The following DPY19L1 variants were observed in gnomAD, a reference collection of about 807,000 sequenced individuals.
The protein encoded by DPY19L1 is dpy-19 like C-mannosyltransferase 1.
DPY19L1 carries 35 observed loss-of-function variants against 96.9 expected under a neutral mutation model. That is an observed-to-expected ratio of 0.36 (90% CI 0.28 to 0.48). DPY19L1 has a LOEUF of 0.48. Ranked by LOEUF, DPY19L1 falls within the 20% of genes least tolerant of loss-of-function variation. The pLI is 0.99. For missense variants in DPY19L1, 521 were observed against 777.9 expected (o/e 0.67, Z 3.93); for synonymous variants, 205 against 252.6 (o/e 0.81, Z 1.79).
At chr7:35,015,947 C>T (rs73691610) in intron 3 of DPY19L1, among the ~76,000 whole-genome samples, 495 of 152,234 alleles carry the variant, frequency 3.3e-3, no homozygotes, top group African/African-American at 0.011. Context: ...TTATTCCTAA[C>T]AAATCAATAA....
chr7:34,967,278 C>T (rs535037082), intron 9 of DPY19L1, among the ~76,000 whole-genome samples: 1 of 152,188 alleles, frequency 6.6e-6, no homozygotes, highest in Non-Finnish European at 1.5e-5. Flanking sequence ...TAAAAAGTGC[C>T]TTGTCCAATC....
intron 1 of DPY19L1, among the ~76,000 whole-genome samples, chr7:35,026,457 A>T (rs1786122133): frequency 6.6e-6 from 1 of 151,448 alleles, no homozygotes; most frequent in Non-Finnish European, 1.5e-5. Context: ...AAGAAAACCC[A>T]CCTAGGAGGA....
chr7:34,964,283 T>C (rs1388306490), intron 10 of DPY19L1, among the ~76,000 whole-genome samples: 4 of 152,178 alleles, frequency 2.6e-5, no homozygotes, highest in African/African-American at 7.2e-5. Context: ...AACTACATTG[T>C]GTAATTTTAT....
At chr7:34,986,063 G>A (rs1785040287) in intron 7 of DPY19L1, among the ~76,000 whole-genome samples, 1 of 152,002 alleles carries the variant, frequency 6.6e-6, no homozygotes, top group African/African-American at 2.4e-5. Context: ...AGCACAGGAA[G>A]GCAAATACTG....
At chr7:34,971,021 C>A (rs1279609163) in intron 8 of DPY19L1, among the ~76,000 whole-genome samples, 1 of 152,166 alleles carries the variant, frequency 6.6e-6, no homozygotes, top group Non-Finnish European at 1.5e-5. Flanking sequence ...GGAATAGTCT[C>A]TTTTCTGGTT....
At chr7:35,016,770 T>C (rs146405963) in intron 3 of DPY19L1, among the ~76,000 whole-genome samples, 202 of 152,352 alleles carry the variant, frequency 1.3e-3, no homozygotes, top group African/African-American at 4.3e-3. Flanking sequence ...TCAAATCTTC[T>C]GATCCATAAA....
chr7:34,989,954 A>G lies in DPY19L1; in HGVS notation c.765-13T>C. ...TAATCGGCTGCCACTGGAAAAGAAG[A>G]AAACATAACTCAAATAACAAAAATT... On this transcript the variant is annotated splice_polypyrimidine_tract_variant and intron_variant, in intron 6 of 21. Coordinates refer to ENST00000638088, the MANE Select transcript of DPY19L1 (RefSeq NM_001366673.1). The G allele has an allele frequency of 6.2e-7, 1 of 1,603,014 alleles. No homozygotes were observed. The highest frequency in any genetic ancestry group is 8.5e-7 in the Non-Finnish European group (1 of 1,176,652).
intron 10 of DPY19L1, 51 bp from the exon 11 acceptor site, chr7:34,958,121 C>CT (rs1784418177): frequency 3.0e-6 from 4 of 1,326,802 alleles, no homozygotes; most frequent in Non-Finnish European, 4.1e-6. Flanking sequence ...AACAAAAAAC[C>CT]TTTGTTTTTT....
chr7:34,934,252 C>T (rs772591644), intron 21 of DPY19L1, among the ~76,000 whole-genome samples: 8 of 152,224 alleles, frequency 5.3e-5, no homozygotes, highest in South Asian at 2.1e-4. Context: ...CGTGACCCAC[C>T]GCGCCCGGCC....
intron 10 of DPY19L1, among the ~76,000 whole-genome samples, chr7:34,959,919 A>AGG (rs1784462418): frequency 6.4e-5 from 1 of 15,594 alleles, no homozygotes; most frequent in African/African-American, 3.2e-4. Context: ...ATATATATAT[A>AGG]TATATTTATA....
At position 34,979,080 on chromosome 7, in the gene DPY19L1, A is replaced by G. The variant is rs531794714; in HGVS notation, c.823-5475T>C. 1.9e-3 allele frequency among the ~76,000 whole-genome samples: 293 copies of G among 152,254 alleles called. 1 individual carries two copies. Among genetic ancestry groups the G allele is most frequent in the Non-Finnish European group, 3.7e-3 (250 of 67,956 alleles). ...GCTGGTTGTATGACAGAAAACATTG[A>G]TCTTTTTGTCTCTGAAAATCTAAGA... On this transcript the variant is annotated intron_variant, in intron 7 of 21. Coordinates refer to ENST00000638088, the MANE Select transcript of DPY19L1 (RefSeq NM_001366673.1).
intron 21 of DPY19L1, among the ~76,000 whole-genome samples, chr7:34,934,885 G>A (rs1221435243): frequency 6.6e-6 from 1 of 152,178 alleles, no homozygotes; most frequent in African/African-American, 2.4e-5. Context: ...CCATGGCCGG[G>A]GGCTTGGAGA....
At chr7:34,937,226 G>A (rs1783887299) in intron 21 of DPY19L1, among the ~76,000 whole-genome samples, 1 of 152,194 alleles carries the variant, frequency 6.6e-6, no homozygotes, top group Non-Finnish European at 1.5e-5. Flanking sequence ...ATAAACCCAA[G>A]AGAAAGTGGG....
intron 11 of DPY19L1, among the ~76,000 whole-genome samples, 176 bp from the exon 12 acceptor site, chr7:34,955,543 C>A (rs1021121065): frequency 9.9e-5 from 15 of 152,164 alleles, no homozygotes; most frequent in Non-Finnish European, 2.2e-4. Flanking sequence ...AAGGTATAGC[C>A]CTATTATCCA....
At chr7:34,993,989 C>A (rs1384379638) in intron 6 of DPY19L1, among the ~76,000 whole-genome samples, 2 of 152,034 alleles carry the variant, frequency 1.3e-5, no homozygotes, top group Non-Finnish European at 2.9e-5. Context: ...TCGTTTGAAC[C>A]GGGAAGGTGG....
At chr7:34,934,375 C>T (rs980138809) in intron 21 of DPY19L1, among the ~76,000 whole-genome samples, 1 of 152,148 alleles carries the variant, frequency 6.6e-6, no homozygotes, top group Non-Finnish European at 1.5e-5. Context: ...AAACGTGGAA[C>T]CATTTTTCCA....
chr7:34,940,583 A>G (rs1217477713), intron 18 of DPY19L1, among the ~76,000 whole-genome samples: 1 of 152,082 alleles, frequency 6.6e-6, no homozygotes, highest in African/African-American at 2.4e-5. Context: ...AAGTAAAGCC[A>G]CAACCAATTT....
chr7:34,964,539 G>A (rs1784570650), intron 10 of DPY19L1, among the ~76,000 whole-genome samples: 1 of 152,104 alleles, frequency 6.6e-6, no homozygotes, highest in Non-Finnish European at 1.5e-5. Context: ...CAAAAATTGT[G>A]TTTAGCCCAG....
chr7:34,992,666 C>A (rs1192257742), intron 6 of DPY19L1, among the ~76,000 whole-genome samples: 1 of 151,822 alleles, frequency 6.6e-6, no homozygotes, highest in Non-Finnish European at 1.5e-5. Flanking sequence ...CCTGCCTCAG[C>A]CTCCAGAGTA....
Sources: gnomAD v4.1 joint callset for allele counts (sites outside exome capture counted in the v4.1 genomes callset) on GRCh38, gnomAD v4.1.1 for gene constraint, MANE v1.5 for transcripts, NCBI Gene and HGNC (gene_info 2026-07-23, HGNC 2026-07-21) for gene names.